The following MSH5 variants were observed in gnomAD, a reference collection of about 807,000 sequenced individuals.
MSH5 encodes the protein mutS homolog 5, also known as mutS protein homolog 5.
In MSH5, 78 loss-of-function variants were observed where a neutral mutation model predicts 107.7. That is an observed-to-expected ratio of 0.72 (90% CI 0.60 to 0.87). The LOEUF (loss-of-function observed/expected upper bound fraction) is 0.87, where lower values mean the gene tolerates loss of function less well. Among genes scored for constraint, MSH5 ranks in the 40% least tolerant of loss-of-function variants. MSH5 has a pLI of 0.00. For synonymous variants in MSH5, 326 were observed against 399.5 expected (o/e 0.82, Z 2.19); for missense variants, 889 against 1,046.6 (o/e 0.85, Z 2.08).
In MSH5 at chr6:31,759,186, C is replaced by T. The variant is rs557477424; in HGVS notation, c.1407+9C>T. 1 of 1,610,994 alleles carries T rather than the reference C, an allele frequency of 6.2e-7. No individual in the cohort carries two copies. The highest frequency in any genetic ancestry group is 1.3e-5 in the African/African-American group (1 of 74,986). On this transcript the variant is annotated intron_variant, in intron 16 of 24. Coordinates refer to ENST00000375750, the MANE Select transcript of MSH5 (RefSeq NM_172166.4). This position sits in a 1 kb window ranked among gnomAD's most constrained non-coding sequence, Gnocchi z 4.7. ...ATGGACTGGACTTCATGGTAAGACC[C>T]TCAACCTCTGTAAGGTGAGTGATGA... is the stretch of plus-strand genomic sequence containing the variant.
At position 31,761,067 on chromosome 6, in the gene MSH5, A is replaced by G; in HGVS notation, c.1963-121A>G. On this transcript the variant is annotated intron_variant, in intron 20 of 24. Coordinates refer to ENST00000375750, the MANE Select transcript of MSH5 (RefSeq NM_172166.4). The surrounding 1 kb of genome is among the most constrained non-coding windows in gnomAD (Gnocchi z 5.3). ...GGATGAACAAAGCGTGCACCTCACC[A>G]TTCAAGAACTTGCAGTGCAGTAGGG... The G allele has an allele frequency of 1.9e-6, 2 of 1,076,400 alleles. No individual in the cohort carries two copies. Among genetic ancestry groups the G allele is most frequent in the Non-Finnish European group, 2.7e-6 (2 of 734,684 alleles). 66.7% of individuals were successfully genotyped at this position (1,076,400 alleles called of 1,614,324 possible).
chr6:31,760,613 G>A lies in MSH5; in HGVS notation c.1813-77G>A. 6.4e-7 allele frequency: 1 copy of A among 1,567,960 alleles called. No homozygotes were observed. The highest frequency in any genetic ancestry group is 8.8e-7 in the Non-Finnish European group (1 of 1,141,228). The stretch of plus-strand genomic sequence containing the variant: ...CACCCTGTCCATTTCTCTTTGATGT[G>A]CCATTCATGCCTTGAGCCTCACTTT... On this transcript the variant is annotated intron_variant, in intron 19 of 24. Transcript: ENST00000375750. The surrounding 1 kb of genome is among the most constrained non-coding windows in gnomAD (Gnocchi z 5.6).
Position 31,759,833 on chromosome 6 carries a change from C to T in MSH5, c.1543C>T (p.Arg515Ter), listed in dbSNP as rs765331052. 14 of 1,613,802 alleles carry T rather than the reference C, an allele frequency of 8.7e-6. No homozygotes were observed. Among genetic ancestry groups the T allele is most frequent in the African/African-American group, 2.7e-5 (2 of 74,930 alleles). ...CCAGCTACAGTGCCAGGTGCTGGCA[C>T]GAGCAGCTGTCTTAACCCGAGTATT... ...MYQLQCQVLA[R>*]AAVLTRVLDL... The change falls in exon 18 of 25, where the codon CGA becomes TGA. Residue 515 changes from arginine to a stop codon, truncating the protein, a stop_gained. Coordinates refer to ENST00000375750, the MANE Select transcript of MSH5 (RefSeq NM_172166.4). LOFTEE classifies it high-confidence loss of function. The surrounding 1 kb of genome is among the most constrained non-coding windows in gnomAD (Gnocchi z 4.7).
intron 12 of MSH5, 31 bp downstream of exon 12, chr6:31,753,660 C>T: frequency 1.2e-6 from 2 of 1,605,574 alleles, no homozygotes; most frequent in East Asian, 2.2e-5. Flanking sequence ...TCCCAAAAGT[C>T]CAGGTAAAGG....
rs1478108113 is a variant in MSH5 at position 31,740,799 on chromosome 6, A to G, written c.147+186A>G. On this transcript the variant is annotated intron_variant, in intron 2 of 24. Transcript: ENST00000375750. The surrounding 1 kb of genome is among the most constrained non-coding windows in gnomAD (Gnocchi z 4.4). ...AACATGGCGAAACCCCGTCTCTACT[A>G]AAAATATAAAAATTAGCCGAGCGTG... 6.6e-6 allele frequency among the ~76,000 whole-genome samples: 1 copy of G among 152,084 alleles called. No homozygotes were observed. The highest frequency in any genetic ancestry group is 1.5e-5 in the Non-Finnish European group (1 of 68,002).
chr6:31,753,714 T>C, intron 12 of MSH5, 85 bp downstream of exon 12: 1 of 1,254,008 alleles, frequency 8.0e-7, no homozygotes, highest in Non-Finnish European at 1.2e-6. Flanking sequence ...AGACATGCTG[T>C]CCAATTTTAT....
chr6:31,745,063 C>G (rs1809291719), intron 8 of MSH5, among the ~76,000 whole-genome samples, 174 bp from the exon 9 acceptor site: 1 of 144,350 alleles, frequency 6.9e-6, no homozygotes, highest in African/African-American at 2.6e-5. Context: ...GAAATTGCAC[C>G]ACTGCACTCC....
intron 2 of MSH5, 28 bp from the exon 3 acceptor site, chr6:31,741,135 G>A (rs1583893203): frequency 6.2e-7 from 1 of 1,612,060 alleles, no homozygotes. Context: ...GATTCTAATA[G>A]TGATTTCCTT....
At position 31,758,749 on chromosome 6, in the gene MSH5, G is replaced by A; in HGVS notation, c.1217-17G>A. ...GGAGACTCACTTTTGATAACCACGT[G>A]TCTTCCACCCTCGTAGAAAAGCGAA... On this transcript the variant is annotated splice_polypyrimidine_tract_variant and intron_variant, in intron 14 of 24. Coordinates refer to ENST00000375750, the MANE Select transcript of MSH5 (RefSeq NM_172166.4). This position sits in a 1 kb window ranked among gnomAD's most constrained non-coding sequence, Gnocchi z 5.1. The A allele has an allele frequency of 6.2e-7, 1 of 1,613,458 alleles. No homozygotes were observed. Among genetic ancestry groups the A allele is most frequent in the Non-Finnish European group, 8.5e-7 (1 of 1,179,400 alleles).
intron 10 of MSH5, among the ~76,000 whole-genome samples, chr6:31,752,731 A>AAG (rs1184345539): frequency 2.6e-5 from 3 of 116,172 alleles, no homozygotes; most frequent in African/African-American, 1.5e-4. Flanking sequence ...AAAAAAAAAA[A>AAG]AAACGAAAGA....
In MSH5 at chr6:31,758,288, A is replaced by T; in HGVS notation, c.1138A>T (p.Lys380Ter). ...DLHHIASLIGKVVDFEGSLAE... is the reference protein window; with the variant it reads ...DLHHIASLIG Reference sequence around the variant, plus strand: ...GCACCATATCGCCAGCCTCATTGGGAAAGTAGTGAGTAGAAGGAAAAAGGG... The same window carrying T: ...GCACCATATCGCCAGCCTCATTGGGTAAGTAGTGAGTAGAAGGAAAAAGGG... The change falls in exon 13 of 25, where the codon AAA (lysine) becomes TAA (stop). Residue 380 changes from lysine (K) to a stop codon, truncating the protein, a stop_gained. Transcript: ENST00000375750. LOFTEE classifies it high-confidence loss of function. This position sits in a 1 kb window ranked among gnomAD's most constrained non-coding sequence, Gnocchi z 5.1. 6.2e-7 allele frequency: 1 copy of T among 1,612,794 alleles called. No homozygotes were observed. Among genetic ancestry groups the T allele is most frequent in the Non-Finnish European group, 8.5e-7 (1 of 1,179,978 alleles).
chr6:31,745,436 C>T, intron 9 of MSH5, 117 bp downstream of exon 9: 1 of 704,722 alleles, frequency 1.4e-6, no homozygotes, highest in Admixed American at 2.7e-5. Context: ...ATATCTCTTT[C>T]ATGCCAATCC....
chr6:31,749,551 A>C (rs888666005), intron 10 of MSH5, among the ~76,000 whole-genome samples: 1 of 152,040 alleles, frequency 6.6e-6, no homozygotes, highest in Admixed American at 6.6e-5. Context: ...TAAAAAAAAA[A>C]AAAAGTGCAT....
At chr6:31,754,213 G>T (rs912985690) in intron 12 of MSH5, among the ~76,000 whole-genome samples, 1 of 150,606 alleles carries the variant, frequency 6.6e-6, no homozygotes, top group Non-Finnish European at 1.5e-5. Flanking sequence ...GCAGTGGTGC[G>T]ATCTCGGCTC....
chr6:31,759,709 A>T lies in MSH5; in HGVS notation c.1496-77A>T. 6.6e-6 allele frequency: 10 copies of T among 1,519,980 alleles called. No individual in the cohort carries two copies. Among genetic ancestry groups the T allele is most frequent in the Non-Finnish European group, 9.0e-6 (10 of 1,116,376 alleles). The allele number at this position is 1,519,980 out of a possible 1,614,324, so 94.2% of individuals were successfully genotyped here. ...GATTGTATCTGCAACCTGTTTCCAG[A>T]TCCCCCTAGGGGCCTCTGCCTCTCC... On this transcript the variant is annotated intron_variant, in intron 17 of 24. Transcript: ENST00000375750. This position sits in a 1 kb window ranked among gnomAD's most constrained non-coding sequence, Gnocchi z 4.7.
chr6:31,760,499 C>G lies in MSH5; in HGVS notation c.1813-191C>G, dbSNP rs1694381362. On this transcript the variant is annotated intron_variant, in intron 19 of 24. Transcript: ENST00000375750. The surrounding 1 kb of genome is among the most constrained non-coding windows in gnomAD (Gnocchi z 5.6). ...TCTCTGCCCACGTCCCGTGCCTCTT[C>G]ACTGATTCTAAATTAGCCCACAGGG... Among the ~76,000 whole-genome samples the G allele has an allele frequency of 6.6e-6, 1 of 152,234 alleles. No homozygotes were observed. Among genetic ancestry groups the G allele is most frequent in the African/African-American group, 2.4e-5 (1 of 41,454 alleles).
intron 3 of MSH5, among the ~76,000 whole-genome samples, chr6:31,741,764 TAA>T (rs9279402): frequency 0.15 from 22,603 of 146,020 alleles, 1,761 homozygotes; most frequent in Admixed American, 0.23. Flanking sequence ...AGTAATTTGT[TAA>T]AAAAAAAAAA....
intron 12 of MSH5, among the ~76,000 whole-genome samples, chr6:31,755,498 G>C (rs965841499): frequency 2.0e-5 from 3 of 152,044 alleles, no homozygotes; most frequent in African/African-American, 7.2e-5. Flanking sequence ...AAGTAGCTGG[G>C]ATTACAGGTG....
At chr6:31,753,651 C>A in intron 12 of MSH5, 22 bp downstream of exon 12, 1 of 1,612,984 alleles carries the variant, frequency 6.2e-7, no homozygotes, top group Non-Finnish European at 8.5e-7. Flanking sequence ...CTTCTTGAAT[C>A]CCAAAAGTCC....
Sources: gnomAD v4.1 joint callset for allele counts (sites outside exome capture counted in the v4.1 genomes callset) on GRCh38, gnomAD v4.1.1 for gene constraint, Gnocchi (gnomAD v3.1) non-coding constraint, MANE v1.5 for transcripts, NCBI Gene and HGNC (gene_info 2026-07-23, HGNC 2026-07-21) for gene names.